Variants in RYR3 observed in about 807,000 individuals in gnomAD.
The protein encoded by RYR3 is ryanodine receptor 3.
Under a neutral mutation model 584.3 loss-of-function variants are expected in RYR3, and 207 were observed. The observed-to-expected ratio is 0.35, with a 90% confidence interval of 0.32 to 0.40. The LOEUF (loss-of-function observed/expected upper bound fraction) is 0.40, where lower values mean the gene tolerates loss of function less well. Among genes scored for constraint, RYR3 ranks in the 10% least tolerant of loss-of-function variants. The pLI is 1.00. For missense variants in RYR3, 5,616 were observed against 6,089.2 expected (o/e 0.92, Z 2.59); for synonymous variants, 2,416 against 2,248.5 (o/e 1.07, Z -2.11).
chr15:33,456,760 G>A (rs1428995540), intron 1 of RYR3, among the ~76,000 whole-genome samples: 4 of 152,186 alleles, frequency 2.6e-5, no homozygotes, highest in Admixed American at 2.6e-4. Context: ...ATCTCTTGCT[G>A]TGTTGTTTCA....
rs778590284 is a variant in RYR3 at position 33,697,941 on chromosome 15, T to C, written c.6194T>C (p.Met2065Thr). Residue 2065 changes from methionine to threonine, a missense_variant, in exon 40 of 104, where the codon ATG (methionine) becomes ACG (threonine). Physicochemically the swap from Met to Thr is moderately conservative, Grantham distance 81. Transcript: ENST00000634891. ...CCCAACCTCATGAGAGTCCTGGGCA[T>C]GCACGAGACGGTGATGGAGGTGATG... ...QHPNLMRVLG[M>T]HETVMEVMVN... 7.4e-6 allele frequency: 12 copies of C among 1,613,998 alleles called. No individual in the cohort carries two copies. In the South Asian group the frequency reaches 1.1e-4, roughly 15 times the overall value.
chr15:33,512,267 A>T (rs1310179385), intron 3 of RYR3, among the ~76,000 whole-genome samples: 2 of 152,204 alleles, frequency 1.3e-5, no homozygotes, highest in African/African-American at 4.8e-5. Context: ...GGAATTCATG[A>T]TAAAAATGGA....
At chr15:33,461,598 C>A (rs1031732314) in intron 1 of RYR3, among the ~76,000 whole-genome samples, 1 of 152,100 alleles carries the variant, frequency 6.6e-6, no homozygotes, top group Non-Finnish European at 1.5e-5. Context: ...ATGATCCTCG[C>A]CTTCTAAGCC....
chr15:33,333,296 A>G (rs745868942), intron 1 of RYR3, among the ~76,000 whole-genome samples: 1 of 152,150 alleles, frequency 6.6e-6, no homozygotes, highest in Non-Finnish European at 1.5e-5. Context: ...GATGAACATC[A>G]ATGTAAAAAT....
chr15:33,811,373 C>T (rs576431989), intron 72 of RYR3, among the ~76,000 whole-genome samples: 16 of 151,900 alleles, frequency 1.1e-4, no homozygotes, highest in South Asian at 4.2e-4. Context: ...GGCGTGGTGG[C>T]GGGCGCCTGT....
intron 69 of RYR3, among the ~76,000 whole-genome samples, chr15:33,804,245 G>C (rs1457097867): frequency 1.3e-5 from 2 of 152,194 alleles, no homozygotes; most frequent in Non-Finnish European, 2.9e-5. Context: ...AGCCACATGG[G>C]ATAGGGTCAA....
chr15:33,769,625 T>C (rs1567134960), intron 62 of RYR3, among the ~76,000 whole-genome samples: 1 of 152,104 alleles, frequency 6.6e-6, no homozygotes, highest in Non-Finnish European at 1.5e-5. Context: ...AAATAATACA[T>C]AAGTTCTGGT....
Position 33,580,109 on chromosome 15 carries a change from T to C in RYR3, c.1402T>C (p.Ser468Pro). 4 of 1,611,838 alleles carry C rather than the reference T, an allele frequency of 2.5e-6. No homozygotes were observed. The highest frequency in any genetic ancestry group is 1.7e-5 in the Admixed American group (1 of 59,626). ...TGAAGACAAGCAGAACAAGCTCCGC[T>C]CACTCAAAAACAGACAAAATCTTTT... ...RHEDKQNKLR[S>P]LKNRQNLFKE... Residue 468 changes from serine (S) to proline (P), a missense_variant, in exon 13 of 104, where the codon TCA (serine) becomes CCA (proline). Transcript: ENST00000634891.
intron 38 of RYR3, among the ~76,000 whole-genome samples, chr15:33,682,237 A>G (rs1271941633): frequency 2.6e-5 from 4 of 152,182 alleles, no homozygotes; most frequent in Non-Finnish European, 5.9e-5. Context: ...ACAACTTAAC[A>G]ATGAGTGACA....
At chr15:33,753,400 A>C (rs563005896) in intron 57 of RYR3, among the ~76,000 whole-genome samples, 2 of 152,330 alleles carry the variant, frequency 1.3e-5, no homozygotes, top group African/African-American at 2.4e-5. Flanking sequence ...ACATAAGTCA[A>C]AATCATCTAG....
At chr15:33,340,909 G>A (rs1424054966) in intron 1 of RYR3, among the ~76,000 whole-genome samples, 2 of 152,118 alleles carry the variant, frequency 1.3e-5, no homozygotes, top group Non-Finnish European at 2.9e-5. Context: ...TTTCTCATCT[G>A]AAAATAAAGA....
At chr15:33,685,918 G>C (rs1471153056) in intron 38 of RYR3, among the ~76,000 whole-genome samples, 1 of 152,198 alleles carries the variant, frequency 6.6e-6, no homozygotes, top group African/African-American at 2.4e-5. Flanking sequence ...CAACATACCA[G>C]AATCTCTGGG....
chr15:33,702,783 G>C (rs1217456198), intron 42 of RYR3, among the ~76,000 whole-genome samples: 1 of 152,082 alleles, frequency 6.6e-6, no homozygotes, highest in Non-Finnish European at 1.5e-5. Context: ...GCATATTTAA[G>C]GGAGTCGCTG....
At chr15:33,652,998 A>C (rs974514417) in intron 32 of RYR3, 115 bp downstream of exon 32, 1 of 1,056,182 alleles carries the variant, frequency 9.5e-7, no homozygotes, top group Non-Finnish European at 1.3e-6. Context: ...TGATGAGCCC[A>C]TGTGGGCCAT....
At chr15:33,533,120 A>AAAT in intron 4 of RYR3, among the ~76,000 whole-genome samples, 191 bp from the exon 5 acceptor site, 1 of 152,280 alleles carries the variant, frequency 6.6e-6, no homozygotes, top group African/African-American at 2.4e-5. Flanking sequence ...CTGACTCTAA[A>AAAT]AATAATAATA....
intron 67 of RYR3, among the ~76,000 whole-genome samples, chr15:33,794,003 A>C (rs2075336233): frequency 1.3e-5 from 1 of 76,710 alleles, no homozygotes; most frequent in African/African-American, 3.5e-5. Context: ...TACATATAAT[A>C]CACATAAATA....
intron 3 of RYR3, among the ~76,000 whole-genome samples, chr15:33,530,179 T>G (rs1370984521): frequency 6.6e-6 from 1 of 152,242 alleles, no homozygotes; most frequent in Non-Finnish European, 1.5e-5. Flanking sequence ...GCACAGAATG[T>G]GACCATGTGC....
At position 33,834,821 on chromosome 15, in the gene RYR3, T is replaced by TA. The variant is rs532672181; in HGVS notation, c.11464-145dup. ...TATAATCAGGAAAAGAAAAAAGTAATAATCCTGGGAAAATACTGAGCTATG... is the reference window on the plus strand; with the variant it reads ...TATAATCAGGAAAAGAAAAAAGTAATAAATCCTGGGAAAATACTGAGCTATG... On this transcript the variant is annotated intron_variant, in intron 86 of 103. Transcript: ENST00000634891. 18 of 566,824 alleles carry TA rather than the reference T, an allele frequency of 3.2e-5. No homozygotes were observed. The African/African-American group carries it at 3.2e-4, about 10-fold the overall frequency. 35.1% of individuals were successfully genotyped at this position (566,824 alleles called of 1,614,324 possible).
chr15:33,781,261 G>A (rs2074364645), intron 65 of RYR3, among the ~76,000 whole-genome samples: 1 of 152,178 alleles, frequency 6.6e-6, no homozygotes, highest in Admixed American at 6.5e-5. Flanking sequence ...ACTCCAACTA[G>A]AAAGAACTGC....
Sources: gnomAD v4.1 joint callset for allele counts (sites outside exome capture counted in the v4.1 genomes callset) on GRCh38, gnomAD v4.1.1 for gene constraint, MANE v1.5 for transcripts, NCBI Gene and HGNC (gene_info 2026-07-23, HGNC 2026-07-21) for gene names.